The following KDM2A variants were observed in gnomAD, a reference collection of about 807,000 sequenced individuals.
KDM2A encodes lysine demethylase 2A, also known as lysine-specific demethylase 2A.
In KDM2A, 3 loss-of-function variants were observed where a neutral mutation model predicts 137.3. The ratio of observed to expected loss-of-function variants is 0.02; its 90% CI spans 0.01 to 0.06. The LOEUF is 0.06. KDM2A is among the 10% of genes least tolerant of loss of function. The pLI is 1.00. For synonymous variants in KDM2A, 512 were observed against 541.5 expected (o/e 0.95, Z 0.76); for missense variants, 738 against 1,510.6 (o/e 0.49, Z 8.48).
At chr11:67,206,686 G>A (rs189433221) in intron 5 of KDM2A, among the ~76,000 whole-genome samples, 4 of 152,174 alleles carry the variant, frequency 2.6e-5, no homozygotes, top group Admixed American at 6.5e-5. Context: ...GCAGTGAGCC[G>A]AGAGCGTGCC....
intron 2 of KDM2A, among the ~76,000 whole-genome samples, chr11:67,161,969 T>C (rs190378777): frequency 6.6e-6 from 1 of 152,288 alleles, no homozygotes; most frequent in Non-Finnish European, 1.5e-5. Flanking sequence ...GTTTTCAGTA[T>C]TTATATTATG....
chr11:67,252,950 G>A, intron 18 of KDM2A, 93 bp downstream of exon 18: 1 of 1,369,764 alleles, frequency 7.3e-7, no homozygotes, highest in Non-Finnish European at 9.9e-7. Flanking sequence ...AGCATCACTG[G>A]AGGGCAGTGT....
intron 2 of KDM2A, among the ~76,000 whole-genome samples, chr11:67,139,283 C>A (rs1424435745): frequency 6.6e-6 from 1 of 151,194 alleles, no homozygotes; most frequent in South Asian, 2.1e-4. Context: ...CTCGCTTTGT[C>A]CCCCAGGCTG....
intron 12 of KDM2A, among the ~76,000 whole-genome samples, chr11:67,235,736 C>G (rs902033458): frequency 9.9e-5 from 15 of 151,812 alleles, no homozygotes; most frequent in African/African-American, 3.4e-4. Context: ...ATTCTCCTGT[C>G]TCAGCCTCTG....
chr11:67,176,410 G>A (rs1219914461), intron 2 of KDM2A, among the ~76,000 whole-genome samples: 4 of 152,112 alleles, frequency 2.6e-5, no homozygotes, highest in African/African-American at 9.7e-5. Context: ...GATGTTCTTA[G>A]CACAGATAAA....
intron 2 of KDM2A, among the ~76,000 whole-genome samples, chr11:67,135,083 CCT>C (rs1289021553): frequency 6.6e-6 from 1 of 151,000 alleles, no homozygotes; most frequent in Non-Finnish European, 1.5e-5. Context: ...TTTTTTTCCC[CCT>C]GAGACGGAGT....
chr11:67,160,521 C>T (rs1157414439), intron 2 of KDM2A, among the ~76,000 whole-genome samples: 2 of 152,158 alleles, frequency 1.3e-5, no homozygotes, highest in Non-Finnish European at 2.9e-5. Flanking sequence ...CCTGTAATCC[C>T]AGCACTTTGG....
intron 2 of KDM2A, among the ~76,000 whole-genome samples, chr11:67,147,233 G>C (rs1376438910): frequency 6.6e-6 from 1 of 152,000 alleles, no homozygotes; most frequent in Non-Finnish European, 1.5e-5. Flanking sequence ...TCTGGGAATG[G>C]TCAGGTTAAA....
chr11:67,122,885 C>A (rs562979606), intron 2 of KDM2A, among the ~76,000 whole-genome samples: 1 of 151,614 alleles, frequency 6.6e-6, no homozygotes, highest in Admixed American at 6.6e-5. Flanking sequence ...CTGTGTTAGC[C>A]AGGATGGTCT....
At chr11:67,142,568 TTGGGGTTGGGGTTGGG>T (rs1856133426) in intron 2 of KDM2A, among the ~76,000 whole-genome samples, 1 of 49,564 alleles carries the variant, frequency 2.0e-5, no homozygotes, top group Non-Finnish European at 4.1e-5. Context: ...GGGGTTGGGG[TTGGGGTTGGGGTTGGG>T]GTTGGGGTTG....
intron 5 of KDM2A, among the ~76,000 whole-genome samples, chr11:67,193,834 C>T (rs1052070410): frequency 6.6e-6 from 1 of 152,172 alleles, no homozygotes; most frequent in Non-Finnish European, 1.5e-5. Context: ...GTATTCCAGC[C>T]TGGGCAACAG....
At chr11:67,196,043 CT>C in intron 5 of KDM2A, 1 of 403,378 alleles carries the variant, frequency 2.5e-6, no homozygotes. Flanking sequence ...TAGATGTAAT[CT>C]TTTTATTGCG....
rs1314869391 is a variant in KDM2A, at chr11:67,245,456, G to A, written c.1831G>A (p.Ala611Thr). 1 of 1,612,762 alleles carries A rather than the reference G, an allele frequency of 6.2e-7. No homozygotes were observed. The highest frequency in any genetic ancestry group is 1.7e-5 in the Admixed American group (1 of 59,998). ...GTCCTGTGTCCTCCGACAGTGCTTGGCAGTGAGTGATCTGCTGGGTAAAGA... is the reference window on the plus strand; with the variant it reads ...GTCCTGTGTCCTCCGACAGTGCTTGACAGTGAGTGATCTGCTGGGTAAAGA... ...KQSCVLRQCLAPRLPHSVTCS... is the reference protein window; with the variant it reads ...KQSCVLRQCLTPRLPHSVTCS... The change falls in exon 14 of 21, where the codon GCA becomes ACA. Residue 611 changes from alanine to threonine, a missense_variant and splice_region_variant. Around this residue, in one of 9 missense-constraint regions of KDM2A, gnomAD observed 7 missense variants for 62.4 expected, o/e 0.11. Coordinates refer to ENST00000529006, the MANE Select transcript of KDM2A (RefSeq NM_012308.3). The surrounding 1 kb of genome is among the most constrained non-coding windows in gnomAD (Gnocchi z 4.1).
intron 11 of KDM2A, among the ~76,000 whole-genome samples, chr11:67,228,718 T>C (rs1422888117): frequency 6.7e-6 from 1 of 149,842 alleles, no homozygotes; most frequent in East Asian, 2.0e-4. Flanking sequence ...GAAAGAACGA[T>C]GATCAGTTGT....
intron 2 of KDM2A, among the ~76,000 whole-genome samples, chr11:67,162,349 G>A (rs1420842454): frequency 6.6e-6 from 1 of 152,026 alleles, no homozygotes; most frequent in Non-Finnish European, 1.5e-5. Flanking sequence ...TTCTCCTGAA[G>A]CACCCACTGA....
intron 12 of KDM2A, among the ~76,000 whole-genome samples, chr11:67,242,269 G>GGTGT (rs147046284): frequency 7.9e-6 from 1 of 126,580 alleles, no homozygotes. Context: ...AGACTCTGTG[G>GGTGT]GTGTGTGTAT....
intron 2 of KDM2A, 101 bp downstream of exon 2, chr11:67,121,459 C>A: frequency 8.3e-7 from 1 of 1,204,460 alleles, no homozygotes; most frequent in Non-Finnish European, 1.2e-6. Context: ...TAAAACTTTT[C>A]GGGTGACTTT....
intron 10 of KDM2A, among the ~76,000 whole-genome samples, chr11:67,222,804 G>A (rs1858402872): frequency 1.3e-5 from 2 of 149,540 alleles, no homozygotes; most frequent in Admixed American, 6.7e-5. Context: ...TTCAGTTTCA[G>A]GGAAGAAAAG....
chr11:67,205,626 TTGTG>T (rs1294146544), intron 5 of KDM2A, among the ~76,000 whole-genome samples: 4 of 151,964 alleles, frequency 2.6e-5, no homozygotes, highest in Non-Finnish European at 4.4e-5. Flanking sequence ...TTTTTTTGTT[TTGTG>T]TGTGTGTATG....
Sources: gnomAD v4.1 joint callset for allele counts (sites outside exome capture counted in the v4.1 genomes callset) on GRCh38, gnomAD v4.1.1 for gene constraint, gnomAD v4.1.1 regional missense constraint, Gnocchi (gnomAD v3.1) non-coding constraint, MANE v1.5 for transcripts, NCBI Gene and HGNC (gene_info 2026-07-23, HGNC 2026-07-21) for gene names.